IMMP2L: variants seen among roughly 807,000 people sequenced by gnomAD.
IMMP2L encodes inner mitochondrial membrane peptidase subunit 2.
In IMMP2L, 18 loss-of-function variants were observed where a neutral mutation model predicts 19.3. The ratio of observed to expected loss-of-function variants is 0.93; its 90% CI spans 0.64 to 1.38. The LOEUF is 1.38. Ranked by LOEUF, IMMP2L falls within the 40% of genes most tolerant of loss-of-function variation. The probability of loss-of-function intolerance (pLI) is 0.00; values close to 1 mark genes in which losing one functional copy is unlikely to be tolerated. For synonymous variants in IMMP2L, 76 were observed against 73.0 expected, an observed-to-expected ratio of 1.04 and a Z score of -0.21; for missense variants, 233 against 218.2, an observed-to-expected ratio of 1.07 and a Z score of -0.43.
chr7:111,330,457 A>T (rs892106407), intron 3 of IMMP2L, among the ~76,000 whole-genome samples: 5 of 151,632 alleles, frequency 3.3e-5, no homozygotes. Context: ...GTATTCAAAC[A>T]CAAACAACCA....
At chr7:111,521,646 AT>A (rs1439034791) in intron 1 of IMMP2L, among the ~76,000 whole-genome samples, 197 bp from the exon 2 acceptor site, 1 of 152,164 alleles carries the variant, frequency 6.6e-6, no homozygotes, top group Non-Finnish European at 1.5e-5. Context: ...ACTCAGGTTA[AT>A]GCTTTTCCAC....
At chr7:110,856,780 A>T (rs1806826850) in intron 5 of IMMP2L, among the ~76,000 whole-genome samples, 1 of 152,100 alleles carries the variant, frequency 6.6e-6, no homozygotes, top group South Asian at 2.1e-4. Context: ...GCCTTTAATT[A>T]ATAAGAAATA....
intron 5 of IMMP2L, among the ~76,000 whole-genome samples, chr7:110,862,627 G>A (rs767020594): frequency 2.2e-4 from 34 of 151,714 alleles, no homozygotes; most frequent in Non-Finnish European, 4.9e-4. Context: ...TTATAGGTGT[G>A]AGCCACTGTG....
intron 4 of IMMP2L, among the ~76,000 whole-genome samples, chr7:110,939,439 A>G (rs1398358483): frequency 6.6e-6 from 1 of 151,680 alleles, no homozygotes; most frequent in Non-Finnish European, 1.5e-5. Context: ...GCGAGTACAC[A>G]GGGAATAAAA....
intron 5 of IMMP2L, among the ~76,000 whole-genome samples, chr7:110,673,898 C>A (rs1186657546): frequency 6.6e-6 from 1 of 152,200 alleles, no homozygotes; most frequent in Non-Finnish European, 1.5e-5. Context: ...CTTTCTCACA[C>A]TTTCCTGTCT....
At chr7:110,946,188 G>A (rs918107667) in intron 4 of IMMP2L, among the ~76,000 whole-genome samples, 1 of 152,156 alleles carries the variant, frequency 6.6e-6, no homozygotes, top group Non-Finnish European at 1.5e-5. Context: ...AAAGTGGAGA[G>A]AGTGAGAATC....
At chr7:111,195,492 A>C (rs80133651) in intron 3 of IMMP2L, among the ~76,000 whole-genome samples, 17,548 of 152,130 alleles carry the variant, frequency 0.12, 1,402 homozygotes, top group African/African-American at 0.22. Context: ...TAAAGTGCAA[A>C]ATTTCAATCA....
chr7:111,029,234 G>C (rs1182291930), intron 3 of IMMP2L, among the ~76,000 whole-genome samples: 2 of 152,196 alleles, frequency 1.3e-5, no homozygotes, highest in East Asian at 3.9e-4. Flanking sequence ...CAGCTTTCAT[G>C]GGACATAGTT....
chr7:111,041,021 T>C (rs1791843545), intron 3 of IMMP2L, among the ~76,000 whole-genome samples: 2 of 152,034 alleles, frequency 1.3e-5, no homozygotes, highest in African/African-American at 4.8e-5. Flanking sequence ...ACATACAATA[T>C]CAACATACAA....
intron 3 of IMMP2L, chr7:111,391,862 C>CG: frequency 1.4e-6 from 1 of 702,652 alleles, no homozygotes; most frequent in Non-Finnish European, 2.6e-6. Context: ...CCTCCACTCT[C>CG]CAGATGGGAT....
At chr7:111,292,253 T>C (rs548356457) in intron 3 of IMMP2L, among the ~76,000 whole-genome samples, 1 of 152,234 alleles carries the variant, frequency 6.6e-6, no homozygotes, top group South Asian at 2.1e-4. Context: ...ACATAGCAGA[T>C]TTCTCAAACC....
At chr7:111,422,583 G>C (rs1835674020) in intron 3 of IMMP2L, among the ~76,000 whole-genome samples, 2 of 151,896 alleles carry the variant, frequency 1.3e-5, no homozygotes, top group African/African-American at 4.9e-5. Context: ...CTGAGACTTT[G>C]CTGAAGTTGC....
At chr7:111,497,756 T>G (rs1215633116) in intron 2 of IMMP2L, among the ~76,000 whole-genome samples, 1 of 152,038 alleles carries the variant, frequency 6.6e-6, no homozygotes, top group East Asian at 1.9e-4. Context: ...TCTCTCTGAT[T>G]GTATTTCTTC....
At chr7:111,050,756 T>G in intron 3 of IMMP2L, among the ~76,000 whole-genome samples, 1 of 152,210 alleles carries the variant, frequency 6.6e-6, no homozygotes, top group East Asian at 1.9e-4. Flanking sequence ...GCCTAATACA[T>G]ACCACATCTT....
chr7:111,063,315 T>G (rs988325646), intron 3 of IMMP2L, among the ~76,000 whole-genome samples: 3 of 152,138 alleles, frequency 2.0e-5, no homozygotes, highest in Non-Finnish European at 4.4e-5. Flanking sequence ...GCAGCTGGGA[T>G]GCAGGGCACC....
At chr7:111,202,331 C>T (rs1810234576) in intron 3 of IMMP2L, among the ~76,000 whole-genome samples, 1 of 152,162 alleles carries the variant, frequency 6.6e-6, no homozygotes, top group Non-Finnish European at 1.5e-5. Flanking sequence ...GTCCACCATG[C>T]TAACAATTCT....
intron 5 of IMMP2L, among the ~76,000 whole-genome samples, chr7:110,683,271 A>T (rs1792860295): frequency 6.6e-6 from 1 of 152,154 alleles, no homozygotes. Context: ...CTTAATTAAA[A>T]TATCTCCTCT....
chr7:110,996,518 T>G (rs960266271), intron 3 of IMMP2L, among the ~76,000 whole-genome samples: 1 of 152,136 alleles, frequency 6.6e-6, no homozygotes, highest in African/African-American at 2.4e-5. Flanking sequence ...TTATTGTCAC[T>G]GTTAAGAAAT....
At chr7:110,854,490 C>CT (rs1317198208) in intron 5 of IMMP2L, among the ~76,000 whole-genome samples, 4 of 151,832 alleles carry the variant, frequency 2.6e-5, no homozygotes, top group African/African-American at 9.7e-5. Context: ...TAAAACTGTG[C>CT]TTTTTGCTCC....
Sources: gnomAD v4.1 joint callset for allele counts (sites outside exome capture counted in the v4.1 genomes callset) on GRCh38, gnomAD v4.1.1 for gene constraint, MANE v1.5 for transcripts, NCBI Gene and HGNC (gene_info 2026-07-23, HGNC 2026-07-21) for gene names.